ZNF483: variants seen among roughly 807,000 people sequenced by gnomAD.
ZNF483 encodes the protein zinc finger protein 483.
Under a neutral mutation model 28.6 loss-of-function variants are expected in ZNF483, and 9 were observed. The ratio of observed to expected loss-of-function variants is 0.32; its 90% CI spans 0.19 to 0.55. The LOEUF (loss-of-function observed/expected upper bound fraction) is 0.55. Ranked by LOEUF, ZNF483 falls within the 20% of genes least tolerant of loss-of-function variation. The pLI, the probability that ZNF483 is intolerant of heterozygous loss-of-function variation, is 0.93. For missense variants in ZNF483, 675 were observed against 871.7 expected, an observed-to-expected ratio of 0.77 and a Z score of 2.84; for synonymous variants, 322 against 306.2, an observed-to-expected ratio of 1.05 and a Z score of -0.54.
chr9:111,530,951 T>A lies in ZNF483; in HGVS notation c.489T>A (p.Asn163Lys). ...ATAAAATGGTCACTGTTTGTCCCAATACTGAGTCCTGTGTAAGTTTCCTTT... is the reference window on the plus strand; with the variant it reads ...ATAAAATGGTCACTGTTTGTCCCAAAACTGAGTCCTGTGTAAGTTTCCTTT... ...KEDKMVTVCP[N>K]TESCESITLK... Residue 163 changes from asparagine to lysine, a missense_variant, in exon 3 of 6, where the codon AAT becomes AAA. Around this residue, in one of 6 missense-constraint regions of ZNF483, gnomAD observed 525 missense variants for 581.8 expected, o/e 0.90. Transcript: ENST00000309235. The A allele has an allele frequency of 6.6e-7, 1 of 1,518,006 alleles. No individual in the cohort carries two copies. The highest frequency in any genetic ancestry group is 1.2e-5 in the South Asian group (1 of 81,258). 94.0% of individuals were successfully genotyped at this position (1,518,006 alleles called of 1,614,324 possible).
chr9:111,572,756 CAAAAAAA>C (rs58101079), intron 5 of ZNF483, among the ~76,000 whole-genome samples: 12,578 of 63,634 alleles, frequency 0.2, 682 homozygotes, highest in East Asian at 0.48. Context: ...GACCCTGTCT[CAAAAAAA>C]AAAAAAAAAA....
At chr9:111,540,850 T>C (rs573572166) in intron 5 of ZNF483, among the ~76,000 whole-genome samples, 12 of 152,346 alleles carry the variant, frequency 7.9e-5, no homozygotes, top group African/African-American at 2.9e-4. Flanking sequence ...GTATTATACA[T>C]GTGACCTTGG....
chr9:111,556,862 C>T (rs1027161897), downstream of ZNF483, among the ~76,000 whole-genome samples: 7 of 152,306 alleles, frequency 4.6e-5, no homozygotes, highest in African/African-American at 1.4e-4. Flanking sequence ...GTATAGCCTG[C>T]GGAACTGAGA....
At chr9:111,526,075 T>C (rs1473884487) in intron 1 of ZNF483, among the ~76,000 whole-genome samples, 1 of 152,028 alleles carries the variant, frequency 6.6e-6, no homozygotes, top group Non-Finnish European at 1.5e-5. Flanking sequence ...ACTTATAGAA[T>C]GAATGAATGA....
rs184101649 is a variant in ZNF483 at position 111,531,607 on chromosome 9, C to T, written c.501+644C>T. On this transcript the variant is annotated intron_variant, in intron 3 of 5. Coordinates refer to ENST00000309235, the MANE Select transcript of ZNF483 (RefSeq NM_133464.5). ...GGCCAGGCTGATCTCAAACTCCTGA[C>T]CTAGGTGATCCACCCACCTCAGCCT... Among the ~76,000 whole-genome samples the T allele has an allele frequency of 2.6e-3, 403 of 152,252 alleles. 1 individual carries two copies. Among genetic ancestry groups the T allele is most frequent in the Non-Finnish European group, 4.2e-3 (288 of 68,018 alleles).
rs139684617 is a variant in ZNF483 at position 111,570,493 on chromosome 9, T to C, written c.722-5872T>C. On this transcript the variant is annotated intron_variant, in intron 5 of 5. Coordinates refer to the ZNF483 transcript ENST00000358151. ...CAGATATGATTAAGAAGTTTGGGGG[T>C]GGCGCGGTGGCTCACACCTGTAATC... is the stretch of plus-strand genomic sequence containing the variant. Among the ~76,000 whole-genome samples the C allele has an allele frequency of 9.0e-3, 1,372 of 151,678 alleles. 21 individuals are homozygous for C. Among genetic ancestry groups the C allele is most frequent in the African/African-American group, 0.031 (1,302 of 41,338 alleles).
At chr9:111,528,190 T>C (rs78152171) in intron 2 of ZNF483, among the ~76,000 whole-genome samples, 17 of 152,302 alleles carry the variant, frequency 1.1e-4, no homozygotes, top group African/African-American at 3.8e-4. Context: ...CCTAGTTCCA[T>C]TGTGTGGACT....
At position 111,551,387 on chromosome 9, in the gene ZNF483, G is replaced by A. The variant is rs954314866; in HGVS notation, c.*8217G>A. Reference sequence around the variant, plus strand: ...CTTAATTTTCCAATAACTGAATCAAGTATCCAGTTTTTGTTTTTTTTTTTT... The same window carrying A: ...CTTAATTTTCCAATAACTGAATCAAATATCCAGTTTTTGTTTTTTTTTTTT... On this transcript the variant is annotated 3_prime_UTR_variant, in exon 6 of 6. Coordinates refer to ENST00000309235, the MANE Select transcript of ZNF483 (RefSeq NM_133464.5). 5.8e-5 allele frequency among the ~76,000 whole-genome samples: 8 copies of A among 138,586 alleles called. No individual in the cohort carries two copies. The highest frequency in any genetic ancestry group is 1.1e-4 in the Non-Finnish European group (7 of 64,844). 90.9% of individuals were successfully genotyped at this position (138,586 alleles called of 152,430 possible).
Position 111,549,489 on chromosome 9 carries a change from TTCTC to T in ZNF483, c.*6322_*6325del, listed in dbSNP as rs949245774. 6.6e-6 allele frequency among the ~76,000 whole-genome samples: 1 copy of T among 152,222 alleles called. No homozygotes were observed. Among genetic ancestry groups the T allele is most frequent in the African/African-American group, 2.4e-5 (1 of 41,450 alleles). ...ACCCTGAGAAATTGGTGAGGTATCT[TTCTC>T]TCAGAGTCTTTTTTATGAAGTCTGA... On this transcript the variant is annotated 3_prime_UTR_variant, in exon 6 of 6. Transcript: ENST00000309235.
chr9:111,534,504 G>A (rs1190466591), intron 5 of ZNF483, 151 bp downstream of exon 5: 4 of 658,582 alleles, frequency 6.1e-6, no homozygotes, highest in East Asian at 5.5e-5. Flanking sequence ...ATTTTAGTGG[G>A]GGAGACTTGG....
intron 5 of ZNF483, among the ~76,000 whole-genome samples, chr9:111,576,000 A>G (rs971153277): frequency 6.6e-6 from 1 of 152,028 alleles, no homozygotes; most frequent in Non-Finnish European, 1.5e-5. Context: ...CAAAAAAAAA[A>G]TACATAAAAA....
At chr9:111,564,279 TA>T (rs1192876647) in intron 5 of ZNF483, 13 of 200,456 alleles carry the variant, frequency 6.5e-5, no homozygotes, top group Middle Eastern at 2.1e-3. Context: ...TTTAAACTTT[TA>T]TTATTATTAT....
chr9:111,569,462 AG>A (rs1276833132), intron 5 of ZNF483, among the ~76,000 whole-genome samples: 1 of 152,180 alleles, frequency 6.6e-6, no homozygotes, highest in Non-Finnish European at 1.5e-5. Flanking sequence ...TCACTATGTA[AG>A]GGTCCCCTGT....
In ZNF483 at chr9:111,527,492, A is replaced by T. The variant is rs530604265; in HGVS notation, c.97A>T (p.Thr33Ser). 5.3e-5 allele frequency: 86 copies of T among 1,614,218 alleles called. 2 individuals carry two copies. The South Asian group carries it at 8.9e-4, about 17-fold the overall frequency. ...ACAAAATGAGGTCCCAAGAGTGGTT[A>T]CTTCTGGGGAACAAGAAGCTATTTT... ...TEQNEVPRVVTSGEQEAILRG... is the reference protein window; with the variant it reads ...TEQNEVPRVVSSGEQEAILRG... The change falls in exon 2 of 6, where the codon ACT (threonine) becomes TCT (serine). Residue 33 changes from threonine to serine, a missense_variant. Around this residue, in one of 6 missense-constraint regions of ZNF483, gnomAD observed 525 missense variants for 581.8 expected, o/e 0.90. Transcript: ENST00000309235.
chr9:111,530,118 A>AC (rs1312052494), intron 2 of ZNF483, among the ~76,000 whole-genome samples: 1 of 152,038 alleles, frequency 6.6e-6, no homozygotes, highest in African/African-American at 2.4e-5. Context: ...ACTCAGCTCC[A>AC]CCCCCCAACC....
Position 111,544,414 on chromosome 9 carries a change from TAAA to T in ZNF483, c.*1247_*1249del. The T allele has an allele frequency of 3.1e-6, 3 of 966,542 alleles. No individual in the cohort carries two copies. Among genetic ancestry groups the T allele is most frequent in the Non-Finnish European group, 2.5e-6 (2 of 812,818 alleles). The allele number at this position is 966,542 out of a possible 1,614,324, so 59.9% of individuals were successfully genotyped here. On this transcript the variant is annotated 3_prime_UTR_variant, in exon 6 of 6. Transcript: ENST00000309235. The stretch of plus-strand genomic sequence containing the variant: ...TATCTAAAATTAGGGCATTTCATAC[TAAA>T]AACAAAGCTTGTCTTAAAAAAAATT...
chr9:111,565,275 G>C (rs1056180847), intron 5 of ZNF483, among the ~76,000 whole-genome samples: 5 of 152,172 alleles, frequency 3.3e-5, no homozygotes, highest in African/African-American at 1.2e-4. Context: ...AAGTTGAAAA[G>C]AGAGAGGCCT....
intron 5 of ZNF483, among the ~76,000 whole-genome samples, chr9:111,561,104 T>TAGAGAGAG (rs1465441902): frequency 4.9e-4 from 13 of 26,370 alleles, no homozygotes; most frequent in African/African-American, 9.5e-4. Flanking sequence ...TATATATATA[T>TAGAGAGAG]ATATATAGAG....
chr9:111,532,936 G>A (rs1344629529), intron 3 of ZNF483, among the ~76,000 whole-genome samples: 1 of 151,924 alleles, frequency 6.6e-6, no homozygotes, highest in Non-Finnish European at 1.5e-5. Flanking sequence ...AAAAAGGAAA[G>A]TGTATTTTAG....
Sources: gnomAD v4.1 joint callset for allele counts (sites outside exome capture counted in the v4.1 genomes callset) on GRCh38, gnomAD v4.1.1 for gene constraint, gnomAD v4.1.1 regional missense constraint, MANE v1.5 for transcripts, NCBI Gene and HGNC (gene_info 2026-07-23, HGNC 2026-07-21) for gene names.